P4HA1: variants seen among roughly 807,000 people sequenced by gnomAD.
P4HA1 encodes the protein prolyl 4-hydroxylase subunit alpha 1, also known as prolyl 4-hydroxylase subunit alpha-1.
In P4HA1, 24 loss-of-function variants were observed where a neutral mutation model predicts 72.8. That is an observed-to-expected ratio of 0.33 (90% CI 0.24 to 0.46). The LOEUF is 0.46. Ranked by LOEUF, P4HA1 falls within the 20% of genes least tolerant of loss-of-function variation. The probability of loss-of-function intolerance (pLI) is 1.00; values close to 1 mark genes in which losing one functional copy is unlikely to be tolerated. For missense variants in P4HA1, 446 were observed against 640.6 expected, an observed-to-expected ratio of 0.70 and a Z score of 3.28; for synonymous variants, 201 against 218.8, an observed-to-expected ratio of 0.92 and a Z score of 0.72.
chr10:73,093,629 G>A (rs1842082559), intron 1 of P4HA1, among the ~76,000 whole-genome samples: 2 of 151,342 alleles, frequency 1.3e-5, no homozygotes, highest in African/African-American at 4.9e-5. Flanking sequence ...AGATCACGAG[G>A]TAAAGAGATC....
chr10:73,092,569 G>T (rs1842059120), intron 1 of P4HA1, among the ~76,000 whole-genome samples: 1 of 149,718 alleles, frequency 6.7e-6, no homozygotes, highest in Non-Finnish European at 1.5e-5. Flanking sequence ...TGCTGACCAG[G>T]CTGGTCTTGA....
intron 1 of P4HA1, among the ~76,000 whole-genome samples, chr10:73,086,571 T>C (rs1189553910): frequency 6.6e-6 from 1 of 152,144 alleles, no homozygotes; most frequent in Non-Finnish European, 1.5e-5. Flanking sequence ...GCCACTGAAA[T>C]GTATACTTTA....
intron 12 of P4HA1, among the ~76,000 whole-genome samples, chr10:73,012,369 T>G (rs977130818): frequency 1.6e-4 from 24 of 152,160 alleles, no homozygotes; most frequent in Non-Finnish European, 3.2e-4. Flanking sequence ...CCACTTAAAA[T>G]TGGGATATAA....
chr10:73,090,863 C>T (rs1443316596), intron 1 of P4HA1, among the ~76,000 whole-genome samples: 1 of 151,670 alleles, frequency 6.6e-6, no homozygotes, highest in African/African-American at 2.4e-5. Context: ...GAGTTCGAGA[C>T]CCGCCCGGCC....
intron 1 of P4HA1, among the ~76,000 whole-genome samples, chr10:73,076,873 G>T (rs1322105913): frequency 6.6e-6 from 1 of 152,104 alleles, no homozygotes; most frequent in Non-Finnish European, 1.5e-5. Flanking sequence ...AAACCAAAAG[G>T]CTCAGGTTCA....
At chr10:73,086,229 A>T (rs774067971) in intron 1 of P4HA1, among the ~76,000 whole-genome samples, 3 of 152,276 alleles carry the variant, frequency 2.0e-5, no homozygotes, top group Non-Finnish European at 2.9e-5. Flanking sequence ...CTTTTGCATG[A>T]ATGTTCACGG....
In P4HA1 at chr10:73,040,649, T is replaced by C. The variant is rs562272631; in HGVS notation, c.1148+4332A>G. ...CCACCACACCCAGCTAATTTTTGTA[T>C]TTTTAGTAGAGATGGGGTTTTACCA... is the stretch of plus-strand genomic sequence containing the variant. On this transcript the variant is annotated intron_variant, in intron 9 of 14. Transcript: ENST00000394890. Among the ~76,000 whole-genome samples the C allele has an allele frequency of 4.6e-5, 7 of 151,944 alleles. No homozygotes were observed. In the South Asian group the frequency reaches 1.2e-3, roughly 27 times the overall value.
rs112270251 is a variant in P4HA1, at chr10:73,035,532, A to C, written c.1149-5162T>G. Among the ~76,000 whole-genome samples, 716 of 152,204 alleles carry C rather than the reference A, an allele frequency of 4.7e-3. 3 individuals carry two copies. Among genetic ancestry groups the C allele is most frequent in the Non-Finnish European group, 5.9e-3 (399 of 67,998 alleles). On this transcript the variant is annotated intron_variant, in intron 9 of 14. Transcript: ENST00000394890. ...CCTCATCTCTTAAAAAAACAACAGA[A>C]CACCACCACAAACTTTTAATTCCAG...
At chr10:73,073,853 T>TA in intron 2 of P4HA1, 26 bp from the exon 3 acceptor site, 1 of 1,022,926 alleles carries the variant, frequency 9.8e-7, no homozygotes, top group Non-Finnish European at 1.6e-6. Flanking sequence ...GGTTATCAAA[T>TA]ACTCATATCC....
intron 1 of P4HA1, among the ~76,000 whole-genome samples, chr10:73,088,177 G>T (rs1841960695): frequency 6.6e-6 from 1 of 152,132 alleles, no homozygotes; most frequent in Admixed American, 6.6e-5. Context: ...ACAAACGTGT[G>T]CGACCAGACC....
chr10:73,020,551 T>C (rs1840110933), intron 10 of P4HA1, among the ~76,000 whole-genome samples: 1 of 152,148 alleles, frequency 6.6e-6, no homozygotes. Context: ...AACGAATCTT[T>C]CCTTAACTCA....
intron 5 of P4HA1, among the ~76,000 whole-genome samples, chr10:73,063,845 TGG>T (rs1181058335): frequency 1.3e-5 from 2 of 152,164 alleles, no homozygotes; most frequent in Admixed American, 6.5e-5. Context: ...GCAGACTGCC[TGG>T]GAATCTGATT....
intron 5 of P4HA1, among the ~76,000 whole-genome samples, chr10:73,067,936 C>T (rs1841466153): frequency 6.6e-6 from 1 of 152,126 alleles, no homozygotes; most frequent in East Asian, 1.9e-4. Context: ...AACATAATAG[C>T]TGGCACATAT....
At chr10:73,082,839 T>C (rs994239543) in intron 1 of P4HA1, among the ~76,000 whole-genome samples, 1 of 152,098 alleles carries the variant, frequency 6.6e-6, no homozygotes, top group Non-Finnish European at 1.5e-5. Flanking sequence ...AATCAGGCCA[T>C]TATAATGTGC....
At chr10:73,073,491 G>A (rs988717590) in intron 3 of P4HA1, among the ~76,000 whole-genome samples, 3 of 152,052 alleles carry the variant, frequency 2.0e-5, no homozygotes, top group African/African-American at 7.2e-5. Flanking sequence ...AAAGTGCTGG[G>A]ATTACAGGCA....
At chr10:73,080,028 T>C (rs1468562782) in intron 1 of P4HA1, among the ~76,000 whole-genome samples, 1 of 152,160 alleles carries the variant, frequency 6.6e-6, no homozygotes, top group African/African-American at 2.4e-5. Context: ...TTCTCACTTG[T>C]CTAGGATCTA....
chr10:73,050,494 G>A (rs1487548245), intron 7 of P4HA1, among the ~76,000 whole-genome samples: 1 of 151,890 alleles, frequency 6.6e-6, no homozygotes, highest in East Asian at 1.9e-4. Context: ...AAGGTCAGGA[G>A]TTTGAGACCA....
chr10:73,067,919 A>G (rs149648252), intron 5 of P4HA1, among the ~76,000 whole-genome samples: 1 of 152,324 alleles, frequency 6.6e-6, no homozygotes, highest in Non-Finnish European at 1.5e-5. Context: ...ATGTGTCCCC[A>G]GTACCTAACA....
chr10:73,022,836 G>A (rs558606268), intron 10 of P4HA1, among the ~76,000 whole-genome samples: 10 of 152,260 alleles, frequency 6.6e-5, no homozygotes, highest in Admixed American at 4.6e-4. Flanking sequence ...GCATAAGAAC[G>A]TCATGGTGCA....
Sources: allele counts gnomAD v4.1 joint callset (sites outside exome capture counted in the v4.1 genomes callset), GRCh38; gene constraint gnomAD v4.1.1; transcripts MANE v1.5; gene names NCBI Gene and HGNC (gene_info 2026-07-23, HGNC 2026-07-21).